The following SRPRB variants were observed in gnomAD, a reference collection of about 807,000 sequenced individuals.
SRPRB encodes the protein signal recognition particle receptor subunit beta.
A neutral mutation model predicts 31.9 loss-of-function variants in SRPRB; 20 were observed. The observed-to-expected ratio is 0.63, with a 90% CI of 0.44 to 0.91. SRPRB has a LOEUF of 0.91. Among genes scored for constraint, SRPRB ranks in the 40% least tolerant of loss-of-function variants. The pLI, the probability that SRPRB is intolerant of heterozygous loss-of-function variation, is 0.00. For synonymous variants in SRPRB, 146 were observed against 132.8 expected (o/e 1.10, Z -0.68); for missense variants, 321 against 324.9 (o/e 0.99, Z 0.09).
upstream of SRPRB, chr3:133,805,681 C>A: frequency 2.7e-6 from 2 of 739,856 alleles, no homozygotes; most frequent in Non-Finnish European, 4.0e-6. Context: ...TGTAGGAGGA[C>A]GGAGTCCCAG....
intron 4 of SRPRB, among the ~76,000 whole-genome samples, chr3:133,811,613 C>T (rs1935264505): frequency 6.8e-6 from 1 of 147,350 alleles, no homozygotes; most frequent in Admixed American, 6.8e-5. Flanking sequence ...GATGGAGTCT[C>T]ACTCTGTTGT....
chr3:133,792,598 G>A (rs1020753969), intron 1 of SRPRB: 12 of 152,072 alleles, frequency 7.9e-5, no homozygotes, highest in African/African-American at 2.4e-4. Context: ...AGTAAAACTC[G>A]CTAAGAGTTA....
intron 3 of SRPRB, among the ~76,000 whole-genome samples, chr3:133,809,988 C>G (rs1379063873): frequency 6.6e-6 from 1 of 151,772 alleles, no homozygotes; most frequent in South Asian, 2.1e-4. Context: ...GCATTTTTCC[C>G]TTCCCTCTTC....
intron 5 of SRPRB, among the ~76,000 whole-genome samples, chr3:133,816,267 G>A (rs1935365718): frequency 6.6e-6 from 1 of 152,224 alleles, no homozygotes; most frequent in South Asian, 2.1e-4. Flanking sequence ...TCTATGAAGA[G>A]TTCAAGGCAT....
chr3:133,787,745 A>C (rs1236677561), intron 1 of SRPRB: 1 of 152,222 alleles, frequency 6.6e-6, no homozygotes, highest in East Asian at 1.9e-4. Flanking sequence ...TGTTAAATGC[A>C]TTGCAAGTAA....
rs115500269 is a variant in SRPRB at position 133,791,546 on chromosome 3, T to C, written c.-174+7402T>C. The C allele has an allele frequency of 3.8e-3, 573 of 152,294 alleles. 5 individuals carry two copies. The highest frequency in any genetic ancestry group is 0.013 in the African/African-American group (543 of 41,562). The allele number at this position is 152,294 out of a possible 1,614,324, so 9.4% of individuals were successfully genotyped here. A position where few individuals can be genotyped will look rare whatever the true frequency, so the allele number is the denominator to read the frequency against. On this transcript the variant is annotated intron_variant, in intron 1 of 7. Transcript: ENST00000466490. ...ATCTCCTCTGTAAAGTTTTGATTAA[T>C]ATAAAAAAAGAATTCTGAGGCCGAT...
At chr3:133,805,081 C>G (rs1159421114), upstream of SRPRB, among the ~76,000 whole-genome samples, 1 of 152,204 alleles carries the variant, frequency 6.6e-6, no homozygotes, top group Non-Finnish European at 1.5e-5. Context: ...GGTCCCATAA[C>G]ACCTACCTGG....
chr3:133,787,506 ATAGT>A (rs1304790772), intron 1 of SRPRB: 8 of 152,238 alleles, frequency 5.3e-5, no homozygotes, highest in Non-Finnish European at 8.8e-5. Context: ...GTCTCTCTAG[ATAGT>A]TAGAAATGCT....
chr3:133,786,239 A>AAAAAAC (rs1934682207), intron 1 of SRPRB: 1 of 150,514 alleles, frequency 6.6e-6, no homozygotes, highest in Non-Finnish European at 1.5e-5. Flanking sequence ...AAAAAAAAAA[A>AAAAAAC]ACAATACTAT....
Position 133,805,830 on chromosome 3 carries a change from G to C in SRPRB, c.-19G>C. On this transcript the variant is annotated 5_prime_UTR_variant, in exon 1 of 7. Coordinates refer to ENST00000678299, the MANE Select transcript of SRPRB (RefSeq NM_001379313.1). Reference sequence around the variant, plus strand: ...GGGCCACGTCGCTTTTGCTGTACCGGGGACCACGCGTCTCATCCATGGCTT... The same window carrying C: ...GGGCCACGTCGCTTTTGCTGTACCGCGGACCACGCGTCTCATCCATGGCTT... 2 of 1,598,874 alleles carry C rather than the reference G, an allele frequency of 1.3e-6. No individual in the cohort carries two copies. The highest frequency in any genetic ancestry group is 1.1e-5 in the South Asian group (1 of 87,584).
intron 1 of SRPRB, among the ~76,000 whole-genome samples, chr3:133,806,228 G>A (rs988083364): frequency 6.6e-6 from 1 of 152,182 alleles, no homozygotes; most frequent in African/African-American, 2.4e-5. Context: ...GGTCCTTGGG[G>A]CGCAGATTGC....
intron 3 of SRPRB, 28 bp from the exon 4 acceptor site, chr3:133,811,089 A>G (rs745996217): frequency 3.1e-6 from 5 of 1,611,300 alleles, no homozygotes; most frequent in Non-Finnish European, 3.4e-6. Context: ...CTGTATTGAA[A>G]CGTTAATGTT....
intron 3 of SRPRB, 43 bp downstream of exon 3, chr3:133,807,866 A>C (rs1480718902): frequency 6.8e-7 from 1 of 1,478,412 alleles, no homozygotes; most frequent in Non-Finnish European, 9.3e-7. Flanking sequence ...GTCTTACTTT[A>C]CTGTGGTGTG....
chr3:133,796,711 C>A (rs1934980931), intron 1 of SRPRB: 1 of 152,194 alleles, frequency 6.6e-6, no homozygotes, highest in African/African-American at 2.4e-5. Flanking sequence ...TGGACACCCT[C>A]CAGTAGTAAC....
chr3:133,826,980 T>A (rs566878366), downstream of SRPRB: 3 of 152,684 alleles, frequency 2.0e-5, no homozygotes, highest in Non-Finnish European at 4.4e-5. Context: ...ACATGACATC[T>A]GAAACACGTT....
chr3:133,828,131 G>T (rs1413969954), downstream of SRPRB: 1 of 620,748 alleles, frequency 1.6e-6, no homozygotes, highest in Admixed American at 2.5e-5. Flanking sequence ...CTGCCGGGCT[G>T]CCTAGAGCCC....
At chr3:133,817,628 A>G (rs1935389377) in intron 6 of SRPRB, among the ~76,000 whole-genome samples, 1 of 152,208 alleles carries the variant, frequency 6.6e-6, no homozygotes, top group African/African-American at 2.4e-5. Context: ...AATGATCAAC[A>G]TTTATAGTAA....
chr3:133,802,237 T>G (rs914784767), upstream of SRPRB, among the ~76,000 whole-genome samples: 1 of 150,660 alleles, frequency 6.6e-6, no homozygotes, highest in Non-Finnish European at 1.5e-5. Flanking sequence ...AGACTGTGTC[T>G]CTACAAAAAT....
chr3:133,825,187 C>T (rs912708302), downstream of SRPRB: 1 of 152,248 alleles, frequency 6.6e-6, no homozygotes, highest in African/African-American at 2.4e-5. Flanking sequence ...CTGACATCCT[C>T]ACCTGCCTTC....
Sources: gnomAD v4.1 joint callset for allele counts (sites outside exome capture counted in the v4.1 genomes callset) on GRCh38, gnomAD v4.1.1 for gene constraint, MANE v1.5 for transcripts, NCBI Gene and HGNC (gene_info 2026-07-23, HGNC 2026-07-21) for gene names.